The following DOCK7 variants were observed in gnomAD, a reference collection of about 807,000 sequenced individuals.
DOCK7 encodes the protein dedicator of cytokinesis 7.
In DOCK7, 138 loss-of-function variants were observed where a neutral mutation model predicts 271.0. The ratio of observed to expected loss-of-function variants is 0.51; its 90% confidence interval spans 0.44 to 0.59. DOCK7 has a LOEUF of 0.59. Among genes scored for constraint, DOCK7 ranks in the 20% least tolerant of loss-of-function variants. The pLI is 0.00. For synonymous variants in DOCK7, 823 were observed against 876.1 expected, an observed-to-expected ratio of 0.94 and a Z score of 1.07; for missense variants, 2,066 against 2,592.4, an observed-to-expected ratio of 0.80 and a Z score of 4.41.
chr1:62,624,366 C>G (rs1370705974), intron 12 of DOCK7, among the ~76,000 whole-genome samples: 2 of 152,028 alleles, frequency 1.3e-5, no homozygotes, highest in African/African-American at 4.8e-5. Flanking sequence ...TTTTCATTAT[C>G]ATTAAGAATC....
At chr1:62,637,791 A>G (rs971266876) in intron 7 of DOCK7, among the ~76,000 whole-genome samples, 1 of 152,206 alleles carries the variant, frequency 6.6e-6, no homozygotes, top group Non-Finnish European at 1.5e-5. Context: ...GACCTAAAAG[A>G]GAACATGGAA....
At chr1:62,466,360 G>A (rs937951520) in intron 48 of DOCK7, among the ~76,000 whole-genome samples, 8 of 152,200 alleles carry the variant, frequency 5.3e-5, no homozygotes, top group East Asian at 3.9e-4. Flanking sequence ...TACAAATGCA[G>A]TCAGGTTTAT....
At chr1:62,595,350 A>G (rs1374684557) in intron 14 of DOCK7, among the ~76,000 whole-genome samples, 1 of 152,178 alleles carries the variant, frequency 6.6e-6, no homozygotes, top group Non-Finnish European at 1.5e-5. Context: ...AAGTGCTCTG[A>G]AAATATAAAC....
chr1:62,614,926 G>A (rs1352386546), intron 14 of DOCK7, among the ~76,000 whole-genome samples: 1 of 151,528 alleles, frequency 6.6e-6, no homozygotes, highest in African/African-American at 2.4e-5. Context: ...AACATTGACT[G>A]GAAAAAAAAT....
rs577120363 is a variant in DOCK7, at chr1:62,614,661, C to CA, written c.1682+4044dup. ...TCTATTGAGCATTTAATATGTACTG[C>CA]ATTACTTTGTGACATGCACTTTACA... is the stretch of plus-strand genomic sequence containing the variant. On this transcript the variant is annotated intron_variant, in intron 14 of 49. Transcript: ENST00000635253. Among the ~76,000 whole-genome samples the CA allele has an allele frequency of 1.7e-4, 26 of 152,076 alleles. No individual in the cohort carries two copies. In the South Asian group the frequency reaches 5.4e-3, roughly 32 times the overall value.
At chr1:62,528,600 T>C (rs1318708074) in intron 30 of DOCK7, among the ~76,000 whole-genome samples, 3 of 152,182 alleles carry the variant, frequency 2.0e-5, no homozygotes, top group Non-Finnish European at 4.4e-5. Context: ...TGCTCAACAA[T>C]CAGTCTCTTA....
At chr1:62,507,922 C>T in intron 35 of DOCK7, 40 bp downstream of exon 35, 1 of 1,584,618 alleles carries the variant, frequency 6.3e-7, no homozygotes. Context: ...CCTCAATTTA[C>T]CAAATCCGTA....
chr1:62,600,140 T>C (rs961415497), intron 14 of DOCK7, among the ~76,000 whole-genome samples: 4 of 151,882 alleles, frequency 2.6e-5, no homozygotes, highest in Non-Finnish European at 5.9e-5. Flanking sequence ...TATCTTTTAC[T>C]ATGATTAAAT....
chr1:62,557,844 A>G (rs1232567501), intron 20 of DOCK7, among the ~76,000 whole-genome samples: 1 of 151,822 alleles, frequency 6.6e-6, no homozygotes, highest in Non-Finnish European at 1.5e-5. Flanking sequence ...TGATCTCACA[A>G]TCCATTCTCT....
chr1:62,662,911 G>T, intron 2 of DOCK7, 114 bp downstream of exon 2: 1 of 707,916 alleles, frequency 1.4e-6, no homozygotes, highest in Non-Finnish European at 2.3e-6. Flanking sequence ...GAGGTAACAA[G>T]TAAGGTTATG....
At chr1:62,629,173 A>C (rs1654308833) in intron 11 of DOCK7, 1 of 152,230 alleles carries the variant, frequency 6.6e-6, no homozygotes, top group Non-Finnish European at 1.5e-5. Flanking sequence ...ATTGGAAAAC[A>C]GTGTGGCAGT....
intron 14 of DOCK7, chr1:62,598,643 A>C (rs1167437609): frequency 1.1e-6 from 1 of 945,954 alleles, no homozygotes; most frequent in African/African-American, 1.6e-5. Context: ...ACAGGAAATT[A>C]ATAGAAAAGA....
rs1024441493 is a variant in DOCK7 at position 62,597,060 on chromosome 1, C to T, written c.1683-10436G>A. Among the ~76,000 whole-genome samples the T allele has an allele frequency of 3.9e-5, 6 of 152,218 alleles. No homozygotes were observed. The East Asian group carries it at 1.2e-3, about 29-fold the overall frequency. On this transcript the variant is annotated intron_variant, in intron 14 of 49. Transcript: ENST00000635253. ...GAACACAGCATTGAGAGCCGTAACA[C>T]CACCTGAGGGAGTGGAGAAAGGCTT...
chr1:62,564,355 A>C (rs980137883), intron 18 of DOCK7, among the ~76,000 whole-genome samples: 1 of 152,210 alleles, frequency 6.6e-6, no homozygotes, highest in South Asian at 2.1e-4. Context: ...AAAGGAAATC[A>C]TAACAGTCTC....
chr1:62,600,293 A>G (rs2149531749), intron 14 of DOCK7, among the ~76,000 whole-genome samples: 1 of 151,972 alleles, frequency 6.6e-6, no homozygotes, highest in East Asian at 1.9e-4. Flanking sequence ...AAATTAAAAA[A>G]ACAAAACTCT....
intron 17 of DOCK7, among the ~76,000 whole-genome samples, chr1:62,577,565 G>A (rs1646975285): frequency 6.6e-6 from 1 of 151,992 alleles, no homozygotes; most frequent in South Asian, 2.1e-4. Context: ...TTATTAAGGA[G>A]GATATCACCA....
chr1:62,638,282 G>T (rs781359306), intron 7 of DOCK7: 2 of 151,966 alleles, frequency 1.3e-5, no homozygotes, highest in Admixed American at 1.3e-4. Flanking sequence ...TGCGCCTTTC[G>T]ATGAACGAAA....
At chr1:62,464,686 A>G (rs1645625817) in intron 48 of DOCK7, among the ~76,000 whole-genome samples, 1 of 151,964 alleles carries the variant, frequency 6.6e-6, no homozygotes, top group Non-Finnish European at 1.5e-5. Context: ...CATCCCCCCT[A>G]AACAAAAACA....
At chr1:62,518,531 G>A (rs971076126) in intron 31 of DOCK7, among the ~76,000 whole-genome samples, 20 of 147,296 alleles carry the variant, frequency 1.4e-4, no homozygotes, top group African/African-American at 3.3e-4. Context: ...CCGAGATTGC[G>A]CCACTGCACT....
Sources: allele counts gnomAD v4.1 joint callset (sites outside exome capture counted in the v4.1 genomes callset), GRCh38; gene constraint gnomAD v4.1.1; transcripts MANE v1.5; gene names NCBI Gene and HGNC (gene_info 2026-07-23, HGNC 2026-07-21).